HSF2BP: variants seen among roughly 807,000 people sequenced by gnomAD.
HSF2BP encodes the protein heat shock transcription factor 2 binding protein.
Under a neutral mutation model 35.0 loss-of-function variants are expected in HSF2BP, and 35 were observed. The ratio of observed to expected loss-of-function variants is 1.00; its 90% CI spans 0.76 to 1.32. HSF2BP has a LOEUF of 1.32. Ranked by LOEUF, HSF2BP falls within the 40% of genes most tolerant of loss-of-function variation. HSF2BP has a pLI of 0.00. For synonymous variants in HSF2BP, 114 were observed against 117.4 expected (o/e 0.97, Z 0.18); for missense variants, 326 against 321.7 (o/e 1.01, Z -0.10).
chr21:43,605,888 G>A (rs1222806042), intron 7 of HSF2BP, among the ~76,000 whole-genome samples: 1 of 148,244 alleles, frequency 6.7e-6, no homozygotes, highest in Non-Finnish European at 1.5e-5. Context: ...ATTTCCCCAC[G>A]CCCCGCCACA....
intron 4 of HSF2BP, among the ~76,000 whole-genome samples, chr21:43,635,157 C>A (rs2082534945): frequency 6.6e-6 from 1 of 151,690 alleles, no homozygotes; most frequent in African/African-American, 2.4e-5. Context: ...TTTTAAGGTG[C>A]AAGACCTATA....
chr21:43,621,630 T>C (rs1247287406), intron 6 of HSF2BP, among the ~76,000 whole-genome samples: 2 of 151,914 alleles, frequency 1.3e-5, no homozygotes, highest in Admixed American at 6.6e-5. Context: ...GAATATCGTA[T>C]CCAGCAAAGC....
intron 3 of HSF2BP, among the ~76,000 whole-genome samples, chr21:43,645,421 G>A (rs1241404653): frequency 6.6e-6 from 1 of 152,102 alleles, no homozygotes; most frequent in Non-Finnish European, 1.5e-5. Context: ...CGATAACCTG[G>A]TCTCTCATCA....
At chr21:43,588,549 C>T (rs907229040) in intron 8 of HSF2BP, among the ~76,000 whole-genome samples, 3 of 152,114 alleles carry the variant, frequency 2.0e-5, no homozygotes, top group Non-Finnish European at 4.4e-5. Context: ...ACCTTGGCAC[C>T]TTACTCACTT....
chr21:43,647,928 C>CAAA (rs774339620), intron 3 of HSF2BP, among the ~76,000 whole-genome samples: 4 of 76,774 alleles, frequency 5.2e-5, no homozygotes, highest in East Asian at 7.1e-4. Flanking sequence ...GACTTCATCT[C>CAAA]AAAAAAAAAA....
intron 4 of HSF2BP, among the ~76,000 whole-genome samples, chr21:43,637,134 A>G (rs1306464313): frequency 6.6e-6 from 1 of 152,076 alleles, no homozygotes; most frequent in Non-Finnish European, 1.5e-5. Context: ...ATAAAATAAA[A>G]AAGAAAAAAA....
At chr21:43,656,496 C>T (rs926944831) in intron 3 of HSF2BP, 91 bp downstream of exon 3, 5 of 1,234,990 alleles carry the variant, frequency 4.0e-6, no homozygotes, top group Non-Finnish European at 5.7e-6. Flanking sequence ...TGTAAGAGTA[C>T]CTTAAAATTC....
chr21:43,622,585 T>C (rs1283046159), intron 6 of HSF2BP, among the ~76,000 whole-genome samples: 1 of 152,198 alleles, frequency 6.6e-6, no homozygotes, highest in Non-Finnish European at 1.5e-5. Context: ...CAAGTCACTA[T>C]ATAATGAAAA....
intron 7 of HSF2BP, among the ~76,000 whole-genome samples, chr21:43,592,881 G>C (rs1368837533): frequency 6.6e-6 from 1 of 152,144 alleles, no homozygotes; most frequent in Non-Finnish European, 1.5e-5. Context: ...GCTGTTTTGG[G>C]ATTGAACCGT....
chr21:43,602,724 A>G (rs1433759796), intron 7 of HSF2BP, among the ~76,000 whole-genome samples: 1 of 152,176 alleles, frequency 6.6e-6, no homozygotes, highest in Non-Finnish European at 1.5e-5. Flanking sequence ...AGTGAAATGC[A>G]CTGTGTCAGT....
chr21:43,582,140 GCCTGCTGTGGGGAATGAGGC>G (rs2081754098), intron 8 of HSF2BP, among the ~76,000 whole-genome samples: 1 of 120,006 alleles, frequency 8.3e-6, no homozygotes, highest in South Asian at 3.1e-4. Flanking sequence ...GGGGATGAGG[GCCTGCTGTGGGGAATGAGGC>G]CCTGCTGTGG....
chr21:43,585,894 T>C (rs1329728444), intron 8 of HSF2BP, among the ~76,000 whole-genome samples: 1 of 152,194 alleles, frequency 6.6e-6, no homozygotes, highest in Non-Finnish European at 1.5e-5. Flanking sequence ...ACACATTGAA[T>C]GTGAATGTTT....
intron 8 of HSF2BP, among the ~76,000 whole-genome samples, chr21:43,573,664 C>A (rs990574166): frequency 6.6e-6 from 1 of 152,186 alleles, no homozygotes; most frequent in Non-Finnish European, 1.5e-5. Context: ...TTCTCCCTCA[C>A]AGGGGACAGA....
chr21:43,657,750 G>A (rs2082894667), intron 2 of HSF2BP: 1 of 812,382 alleles, frequency 1.2e-6, no homozygotes, highest in Non-Finnish European at 1.5e-6. Flanking sequence ...GAGGGGAACT[G>A]GGCTTCCACG....
At chr21:43,630,832 T>A (rs926014507) in intron 5 of HSF2BP, among the ~76,000 whole-genome samples, 14 of 152,016 alleles carry the variant, frequency 9.2e-5, no homozygotes, top group African/African-American at 3.4e-4. Flanking sequence ...AAAAAAAAAA[T>A]CTTAATGAAA....
At chr21:43,624,364 AT>A (rs1384797978) in intron 6 of HSF2BP, among the ~76,000 whole-genome samples, 1 of 152,194 alleles carries the variant, frequency 6.6e-6, no homozygotes, top group Non-Finnish European at 1.5e-5. Context: ...GGATACCATA[AT>A]TGTCATCTAG....
At chr21:43,591,057 A>T (rs2081919900) in intron 8 of HSF2BP, among the ~76,000 whole-genome samples, 1 of 152,232 alleles carries the variant, frequency 6.6e-6, no homozygotes, top group African/African-American at 2.4e-5. Context: ...ACCAAATGGA[A>T]CTGACACTAA....
intron 8 of HSF2BP, among the ~76,000 whole-genome samples, chr21:43,580,579 G>A (rs954398259): frequency 6.6e-6 from 1 of 152,222 alleles, no homozygotes; most frequent in Non-Finnish European, 1.5e-5. Context: ...TGAAGGAGAA[G>A]TTTCAAGTCA....
intron 2 of HSF2BP, 146 bp from the exon 3 acceptor site, chr21:43,656,883 A>G: frequency 1.5e-6 from 1 of 647,974 alleles, no homozygotes; most frequent in Non-Finnish European, 2.6e-6. Flanking sequence ...TGCTATAGAT[A>G]TATTTTATGT....
Sources: gnomAD v4.1 joint callset for allele counts (sites outside exome capture counted in the v4.1 genomes callset) on GRCh38, gnomAD v4.1.1 for gene constraint, MANE v1.5 for transcripts, NCBI Gene and HGNC (gene_info 2026-07-23, HGNC 2026-07-21) for gene names.